The following LRRIQ3 variants were observed in gnomAD, a reference collection of about 807,000 sequenced individuals.
LRRIQ3 encodes leucine rich repeats and IQ motif containing 3.
In LRRIQ3, 75 loss-of-function variants were observed where a neutral mutation model predicts 59.3. That is an observed-to-expected ratio of 1.26 (90% CI 1.05 to 1.53). LRRIQ3 has a LOEUF of 1.53. Among genes scored for constraint, LRRIQ3 ranks in the 40% most tolerant of loss-of-function variants. The pLI, the probability that LRRIQ3 is intolerant of heterozygous loss-of-function variation, is 0.00. For synonymous variants in LRRIQ3, 250 were observed against 231.3 expected, an observed-to-expected ratio of 1.08 and a Z score of -0.73; for missense variants, 831 against 710.0, an observed-to-expected ratio of 1.17 and a Z score of -1.94.
At chr1:74,078,542 A>T (rs1646234840) in intron 5 of LRRIQ3, 1 of 151,920 alleles carries the variant, frequency 6.6e-6, no homozygotes, top group Admixed American at 6.6e-5. Context: ...ATATTATATT[A>T]TATTTATAAA....
intron 6 of LRRIQ3, among the ~76,000 whole-genome samples, chr1:74,055,463 G>A (rs577413860): frequency 6.6e-6 from 1 of 151,894 alleles, no homozygotes; most frequent in African/African-American, 2.4e-5. Context: ...TGTGTTTTTT[G>A]TGTCTTCTCT....
chr1:74,059,586 G>T (rs969864665), intron 6 of LRRIQ3, among the ~76,000 whole-genome samples: 1 of 151,984 alleles, frequency 6.6e-6, no homozygotes, highest in African/African-American at 2.4e-5. Context: ...TTTTCACATT[G>T]TCTTAATTAC....
intron 3 of LRRIQ3, among the ~76,000 whole-genome samples, chr1:74,159,829 C>T (rs898557576): frequency 2.0e-5 from 3 of 152,106 alleles, no homozygotes; most frequent in Non-Finnish European, 2.9e-5. Context: ...AATCCACACT[C>T]ATATTATATT....
intron 6 of LRRIQ3, among the ~76,000 whole-genome samples, chr1:74,066,044 G>C (rs1183304960): frequency 4.0e-5 from 6 of 151,760 alleles, no homozygotes; most frequent in East Asian, 1.9e-4. Flanking sequence ...AAATTAGCTG[G>C]GCGTGCTGGT....
In LRRIQ3 at chr1:74,053,745, T is replaced by C. The variant is rs190313457; in HGVS notation, c.998-11812A>G. Among the ~76,000 whole-genome samples, 22 of 152,192 alleles carry C rather than the reference T, an allele frequency of 1.4e-4. 1 individual carries two copies. The highest frequency in any genetic ancestry group is 1.0e-3 in the South Asian group (5 of 4,818). On this transcript the variant is annotated intron_variant, in intron 6 of 7. Transcript: ENST00000354431. Reference sequence around the variant, plus strand: ...ACAAGAGACTTCCTTAAAGAAAATATACAGATAGCAAGAAAGTATATAAAA... The same window carrying C: ...ACAAGAGACTTCCTTAAAGAAAATACACAGATAGCAAGAAAGTATATAAAA...
At chr1:74,067,404 T>G (rs1331827571) in intron 6 of LRRIQ3, among the ~76,000 whole-genome samples, 1 of 152,130 alleles carries the variant, frequency 6.6e-6, no homozygotes. Flanking sequence ...TCTTGCCTTC[T>G]GAATGTGTGG....
intron 6 of LRRIQ3, among the ~76,000 whole-genome samples, chr1:74,053,156 A>C (rs1654418220): frequency 6.7e-6 from 1 of 148,520 alleles, no homozygotes; most frequent in African/African-American, 2.5e-5. Context: ...ACGGTAATGA[A>C]ATAACCGGTC....
intron 7 of LRRIQ3, among the ~76,000 whole-genome samples, chr1:74,039,886 C>T (rs1653990632): frequency 6.6e-6 from 1 of 152,028 alleles, no homozygotes; most frequent in African/African-American, 2.4e-5. Flanking sequence ...AACTAGTGTG[C>T]AAAATAACCA....
At chr1:74,134,258 T>C (rs150226866) in intron 4 of LRRIQ3, among the ~76,000 whole-genome samples, 197 of 152,156 alleles carry the variant, frequency 1.3e-3, no homozygotes, top group African/African-American at 4.6e-3. Context: ...GAAAAGTCTT[T>C]ATTGATGAAA....
In LRRIQ3 at chr1:74,173,405, A is replaced by G. The variant is rs143163084; in HGVS notation, c.573+9133T>C. Among the ~76,000 whole-genome samples, 299 of 150,868 alleles carry G rather than the reference A, an allele frequency of 2.0e-3. 1 individual carries two copies. Among genetic ancestry groups the G allele is most frequent in the African/African-American group, 6.7e-3 (277 of 41,260 alleles). The stretch of plus-strand genomic sequence containing the variant: ...TAGTAAGGCTAATGATTACCATTTT[A>G]TTGTTTTGTTTTGTAGTTCTCTTGT... On this transcript the variant is annotated intron_variant, in intron 3 of 7. Coordinates refer to ENST00000354431, the MANE Select transcript of LRRIQ3 (RefSeq NM_001105659.2).
chr1:74,157,171 C>G (rs960035719), intron 3 of LRRIQ3, among the ~76,000 whole-genome samples: 2 of 152,118 alleles, frequency 1.3e-5, no homozygotes, highest in Non-Finnish European at 2.9e-5. Flanking sequence ...CGATACTCTT[C>G]CAGTCCATTC....
intron 3 of LRRIQ3, among the ~76,000 whole-genome samples, chr1:74,176,382 AT>A (rs1327473513): frequency 4.6e-5 from 7 of 151,616 alleles, no homozygotes; most frequent in South Asian, 2.1e-4. Context: ...TGTTTTCCAG[AT>A]TTTTTTCTTT....
intron 1 of LRRIQ3, among the ~76,000 whole-genome samples, chr1:74,192,648 T>A (rs1027063242): frequency 1.3e-5 from 2 of 152,106 alleles, no homozygotes; most frequent in African/African-American, 2.4e-5. Context: ...CTGCCAACAA[T>A]ATGTATTTGC....
intron 4 of LRRIQ3, among the ~76,000 whole-genome samples, chr1:74,150,169 C>T (rs1647840420): frequency 6.6e-6 from 1 of 152,100 alleles, no homozygotes; most frequent in Admixed American, 6.5e-5. Context: ...CCATTTTGAC[C>T]ATAAATGACC....
chr1:74,026,624 T>C lies in LRRIQ3; in HGVS notation c.*189A>G. On this transcript the variant is annotated 3_prime_UTR_variant, in exon 8 of 8. Transcript: ENST00000354431. ...TAAGAAATTTTTCAGAGGTGCTAAGTCAACTTTAAGTTAAATTATGACCAA... is the reference window on the plus strand; with the variant it reads ...TAAGAAATTTTTCAGAGGTGCTAAGCCAACTTTAAGTTAAATTATGACCAA... The C allele has an allele frequency of 2.1e-6, 1 of 485,746 alleles. No homozygotes were observed. The highest frequency in any genetic ancestry group is 3.9e-5 in the East Asian group (1 of 25,906). 30.1% of individuals were successfully genotyped at this position (485,746 alleles called of 1,614,324 possible). A position where few individuals can be genotyped will look rare whatever the true frequency, so the allele number is the denominator to read the frequency against.
chr1:74,107,532 A>G (rs1004626694), intron 5 of LRRIQ3, among the ~76,000 whole-genome samples: 31 of 150,718 alleles, frequency 2.1e-4, no homozygotes, highest in African/African-American at 7.5e-4. Context: ...TAAAAGAATA[A>G]TAAGTGAATA....
chr1:74,126,918 T>A (rs1300247819), intron 4 of LRRIQ3, among the ~76,000 whole-genome samples: 1 of 151,944 alleles, frequency 6.6e-6, no homozygotes, highest in Non-Finnish European at 1.5e-5. Context: ...TGTTTTTGTC[T>A]GAGTGATCTC....
chr1:74,081,734 G>A (rs764253653), intron 5 of LRRIQ3, among the ~76,000 whole-genome samples: 48 of 151,306 alleles, frequency 3.2e-4, no homozygotes, highest in Admixed American at 7.3e-4. Flanking sequence ...TTTCTAGTAC[G>A]TGGATTACAT....
intron 6 of LRRIQ3, among the ~76,000 whole-genome samples, chr1:74,060,255 TTC>T (rs1654679781): frequency 7.4e-6 from 1 of 135,038 alleles, no homozygotes; most frequent in African/African-American, 3.0e-5. Context: ...CTTCTTCTTC[TTC>T]CTCTTCCTCT....
Sources: gnomAD v4.1 joint callset for allele counts (sites outside exome capture counted in the v4.1 genomes callset) on GRCh38, gnomAD v4.1.1 for gene constraint, MANE v1.5 for transcripts, NCBI Gene and HGNC (gene_info 2026-07-23, HGNC 2026-07-21) for gene names.